Variants in ABLIM2 observed in about 807,000 individuals in gnomAD.
The protein encoded by ABLIM2 is actin binding LIM protein family member 2, also known as actin-binding LIM protein 2.
A neutral mutation model predicts 97.7 loss-of-function variants in ABLIM2; 53 were observed. The ratio of observed to expected loss-of-function variants is 0.54; its 90% CI spans 0.44 to 0.68. The LOEUF (loss-of-function observed/expected upper bound fraction) is 0.68. ABLIM2 is among the 30% of genes least tolerant of loss of function. The pLI, the probability that ABLIM2 is intolerant of heterozygous loss-of-function variation, is 0.00. For missense variants in ABLIM2, 835 were observed against 867.2 expected (o/e 0.96, Z 0.47); for synonymous variants, 361 against 345.8 (o/e 1.04, Z -0.49).
chr4:8,003,443 G>A lies in ABLIM2; in HGVS notation c.1618+4616C>T, dbSNP rs1036111477. 2.6e-5 allele frequency among the ~76,000 whole-genome samples: 4 copies of A among 152,056 alleles called. No individual in the cohort carries two copies. The highest frequency in any genetic ancestry group is 4.4e-5 in the Non-Finnish European group (3 of 68,018). On this transcript the variant is annotated intron_variant, in intron 16 of 20. Coordinates refer to ENST00000447017, the MANE Select transcript of ABLIM2 (RefSeq NM_001130083.2). This position sits in a 1 kb window ranked among gnomAD's most constrained non-coding sequence, Gnocchi z 4.2. ...GTTCGCTTTCTACCCAATATACATC[G>A]CTTTCACGCCAGCGGAAAGTCACAC... is the stretch of plus-strand genomic sequence containing the variant.
intron 2 of ABLIM2, among the ~76,000 whole-genome samples, chr4:8,101,058 C>T (rs1357106232): frequency 6.6e-6 from 1 of 152,214 alleles, no homozygotes; most frequent in Admixed American, 6.5e-5. Context: ...GAACAGGGAC[C>T]ACCCAAGGTG....
intron 3 of ABLIM2, among the ~76,000 whole-genome samples, chr4:8,088,604 C>T (rs1031973949): frequency 1.6e-4 from 25 of 152,220 alleles, no homozygotes; most frequent in Admixed American, 7.8e-4. Context: ...GCTGCCTGGG[C>T]CACCGGCCCC....
chr4:8,132,232 C>G lies in ABLIM2; in HGVS notation c.11-25595G>C, dbSNP rs1340171229. On this transcript the variant is annotated intron_variant, in intron 1 of 20. Transcript: ENST00000447017. This position sits in a 1 kb window ranked among gnomAD's most constrained non-coding sequence, Gnocchi z 8.0. ...ACCCCCTCCCCTGCACAGAACCCCT[C>G]ACTCCCTGACAGCCCAGCGCTGTGG... is the stretch of plus-strand genomic sequence containing the variant. 6.6e-6 allele frequency among the ~76,000 whole-genome samples: 1 copy of G among 152,188 alleles called. No homozygotes were observed. The highest frequency in any genetic ancestry group is 2.4e-5 in the African/African-American group (1 of 41,432).
chr4:7,999,831 C>T lies in ABLIM2; in HGVS notation c.1619-6904G>A, dbSNP rs532453047. 3.3e-5 allele frequency among the ~76,000 whole-genome samples: 5 copies of T among 152,210 alleles called. No individual in the cohort carries two copies. Among genetic ancestry groups the T allele is most frequent in the East Asian group, 3.9e-4 (2 of 5,186 alleles). ...TCCTGGCCGCCTCCCCTCCATGAAG[C>T]CTGCCATAGCCACCTTGCCCTCAGC... On this transcript the variant is annotated intron_variant, in intron 16 of 20. Transcript: ENST00000447017. This position sits in a 1 kb window ranked among gnomAD's most constrained non-coding sequence, Gnocchi z 4.4.
At chr4:8,153,279 A>G (rs932322616) in intron 1 of ABLIM2, among the ~76,000 whole-genome samples, 1 of 152,194 alleles carries the variant, frequency 6.6e-6, no homozygotes, top group Non-Finnish European at 1.5e-5. Flanking sequence ...AGTAAGATTG[A>G]ACTTTCCAAG....
Position 7,996,757 on chromosome 4 carries a change from T to C in ABLIM2, c.1619-3830A>G, listed in dbSNP as rs1205916760. Among the ~76,000 whole-genome samples, 1 of 152,244 alleles carries C rather than the reference T, an allele frequency of 6.6e-6. No homozygotes were observed. The highest frequency in any genetic ancestry group is 1.5e-5 in the Non-Finnish European group (1 of 68,056). ...CGGGTAGCTCTGCAGGATATCTCAC[T>C]GAACACAGGATTCATGCGGACAGTT... On this transcript the variant is annotated intron_variant, in intron 16 of 20. Coordinates refer to ENST00000447017, the MANE Select transcript of ABLIM2 (RefSeq NM_001130083.2). This position sits in a 1 kb window ranked among gnomAD's most constrained non-coding sequence, Gnocchi z 4.5.
chr4:8,133,866 C>A (rs963749453), intron 1 of ABLIM2, among the ~76,000 whole-genome samples: 2 of 152,214 alleles, frequency 1.3e-5, no homozygotes, highest in African/African-American at 2.4e-5. Flanking sequence ...CCTGCCCACA[C>A]CACAGTCCTG....
At chr4:8,154,976 A>AC (rs1428526720) in intron 1 of ABLIM2, among the ~76,000 whole-genome samples, 19 of 152,318 alleles carry the variant, frequency 1.2e-4, no homozygotes, top group African/African-American at 4.1e-4. Context: ...TTATAAAACC[A>AC]CCAGCTATCG....
At position 7,998,454 on chromosome 4, in the gene ABLIM2, G is replaced by A. The variant is rs926445714; in HGVS notation, c.1619-5527C>T. Among the ~76,000 whole-genome samples, 3 of 151,940 alleles carry A rather than the reference G, an allele frequency of 2.0e-5. No homozygotes were observed. The highest frequency in any genetic ancestry group is 4.8e-5 in the African/African-American group (2 of 41,340). On this transcript the variant is annotated intron_variant, in intron 16 of 20. Coordinates refer to ENST00000447017, the MANE Select transcript of ABLIM2 (RefSeq NM_001130083.2). The surrounding 1 kb of genome is among the most constrained non-coding windows in gnomAD (Gnocchi z 6.4). ...TCTGCTAAATTCACCTGGAGCTGCC[G>A]GTCTGCCCACCTGGGTCCCTGCCGG...
intron 1 of ABLIM2, among the ~76,000 whole-genome samples, chr4:8,141,871 G>A (rs1021583759): frequency 6.6e-5 from 10 of 152,294 alleles, no homozygotes; most frequent in East Asian, 3.9e-4. Context: ...CAAATGCTCC[G>A]CCTGCACTTT....
chr4:7,985,930 T>G (rs939019477), intron 17 of ABLIM2, among the ~76,000 whole-genome samples: 1 of 152,136 alleles, frequency 6.6e-6, no homozygotes, highest in African/African-American at 2.4e-5. Flanking sequence ...CCCACAGGGG[T>G]CGGGCAGTCC....
At position 8,061,126 on chromosome 4, in the gene ABLIM2, T is replaced by C; in HGVS notation, c.676-72A>G. The C allele has an allele frequency of 6.8e-6, 9 of 1,325,160 alleles. No individual in the cohort carries two copies. Among genetic ancestry groups the C allele is most frequent in the South Asian group, 3.8e-5 (3 of 79,060 alleles). The allele number at this position is 1,325,160 out of a possible 1,614,324, so 82.1% of individuals were successfully genotyped here. A position where few individuals can be genotyped will look rare whatever the true frequency, so the allele number is the denominator to read the frequency against. On this transcript the variant is annotated intron_variant, in intron 6 of 20. Coordinates refer to ENST00000447017, the MANE Select transcript of ABLIM2 (RefSeq NM_001130083.2). This position sits in a 1 kb window ranked among gnomAD's most constrained non-coding sequence, Gnocchi z 4.5. ...GTCGGCTGGGTCCCAGCGCCCGGCA[T>C]GGATACAGCATGCCCTGAGCACAGG...
At chr4:7,981,885 G>A (rs1407505300) in intron 20 of ABLIM2, among the ~76,000 whole-genome samples, 2 of 150,452 alleles carry the variant, frequency 1.3e-5, no homozygotes, top group Admixed American at 1.3e-4. Flanking sequence ...CAGTGTTCCT[G>A]GTAAGGACGT....
intron 11 of ABLIM2, among the ~76,000 whole-genome samples, chr4:8,029,389 T>C (rs1158676940): frequency 6.6e-6 from 1 of 152,146 alleles, no homozygotes; most frequent in African/African-American, 2.4e-5. Context: ...CCCCCTAGGC[T>C]GTGTGCTCCA....
At position 8,036,458 on chromosome 4, in the gene ABLIM2, C is replaced by T. The variant is rs560429087; in HGVS notation, c.901-163G>A. ...AGATGCATCCCACAGGACAGTGCCC[C>T]CAAAGCCAGAGGGCAGTGGCTGCTC... On this transcript the variant is annotated intron_variant, in intron 9 of 20. Transcript: ENST00000447017. Among the ~76,000 whole-genome samples, 3 of 152,204 alleles carry T rather than the reference C, an allele frequency of 2.0e-5. No homozygotes were observed. In the South Asian group the frequency reaches 6.2e-4, roughly 32 times the overall value.
chr4:8,080,470 G>C (rs1329000295), intron 5 of ABLIM2, among the ~76,000 whole-genome samples: 2 of 152,198 alleles, frequency 1.3e-5, no homozygotes, highest in Non-Finnish European at 2.9e-5. Flanking sequence ...GCCAGGGCTG[G>C]CCAGGGAAGG....
At chr4:8,026,420 C>T (rs1777352875) in intron 12 of ABLIM2, among the ~76,000 whole-genome samples, 1 of 152,204 alleles carries the variant, frequency 6.6e-6, no homozygotes, top group African/African-American at 2.4e-5. Flanking sequence ...GGCCACGGGG[C>T]CCGCCCAAAG....
chr4:8,055,060 T>TC (rs1475570636), intron 7 of ABLIM2, among the ~76,000 whole-genome samples: 1 of 151,792 alleles, frequency 6.6e-6, no homozygotes, highest in Non-Finnish European at 1.5e-5. Flanking sequence ...TTTTTTTTTT[T>TC]CCACCTAAGA....
chr4:8,001,541 G>A lies in ABLIM2; in HGVS notation c.1618+6518C>T, dbSNP rs1209973557. On this transcript the variant is annotated intron_variant, in intron 16 of 20. Coordinates refer to ENST00000447017, the MANE Select transcript of ABLIM2 (RefSeq NM_001130083.2). The surrounding 1 kb of genome is among the most constrained non-coding windows in gnomAD (Gnocchi z 4.2). ...CATCTTCTCCTGGGCTGGGGTCCTC[G>A]CCCTGACCTCTGGAGCTCCCTCTGC... Among the ~76,000 whole-genome samples the A allele has an allele frequency of 3.3e-5, 5 of 152,084 alleles. No homozygotes were observed. The highest frequency in any genetic ancestry group is 1.9e-4 in the East Asian group (1 of 5,180).
Sources: gnomAD v4.1 joint callset for allele counts (sites outside exome capture counted in the v4.1 genomes callset) on GRCh38, gnomAD v4.1.1 for gene constraint, Gnocchi (gnomAD v3.1) non-coding constraint, MANE v1.5 for transcripts, NCBI Gene and HGNC (gene_info 2026-07-23, HGNC 2026-07-21) for gene names.